ATPSCKMT: variants seen among roughly 807,000 people sequenced by gnomAD.
ATPSCKMT encodes ATP synthase c subunit lysine N-methyltransferase.
ATPSCKMT carries 24 observed loss-of-function variants against 24.3 expected under a neutral mutation model. The observed-to-expected ratio is 0.99, with a 90% CI of 0.71 to 1.39. ATPSCKMT has a LOEUF of 1.39. ATPSCKMT is among the 40% of genes most tolerant of loss of function. ATPSCKMT has a pLI of 0.00. For synonymous variants in ATPSCKMT, 95 were observed against 110.5 expected (o/e 0.86, Z 0.88); for missense variants, 311 against 298.4 (o/e 1.04, Z -0.31).
In ATPSCKMT at chr5:10,227,473, A is replaced by T; in HGVS notation, c.670T>A (p.Ser224Thr). ...FRGREKRPCT[S>T]MHFQLPIQA ...TGAATGGGCAGCTGGAAATGCATCG[A>T]TGTACAGGGCCTCTTTTCACGGCCT... is the stretch of plus-strand genomic sequence containing the variant. The change falls in exon 5 of 5, where the codon TCG (serine) becomes ACG (threonine). Residue 224 changes from serine (S) to threonine (T), a missense_variant. By Grantham distance (58) the Ser-to-Thr change is moderately conservative. Coordinates refer to ENST00000511437, the MANE Select transcript of ATPSCKMT (RefSeq NM_199133.4). 1 of 1,614,178 alleles carries T rather than the reference A, an allele frequency of 6.2e-7. No homozygotes were observed. The highest frequency in any genetic ancestry group is 8.5e-7 in the Non-Finnish European group (1 of 1,180,042).
intron 2 of ATPSCKMT, among the ~76,000 whole-genome samples, chr5:10,238,193 C>T (rs1439224789): frequency 1.3e-5 from 2 of 151,800 alleles, no homozygotes; most frequent in African/African-American, 4.8e-5. Flanking sequence ...GGCACGGCAA[C>T]GTGAATATGC....
At chr5:10,249,738 A>G (rs1475245693) in intron 1 of ATPSCKMT, 120 bp downstream of exon 1, 8 of 1,436,694 alleles carry the variant, frequency 5.6e-6, no homozygotes, top group Non-Finnish European at 7.4e-6. Context: ...TGGAGGCCAG[A>G]GCAGCCGCCC....
chr5:10,230,462 TAA>T (rs1744078456), intron 4 of ATPSCKMT, among the ~76,000 whole-genome samples: 1 of 152,190 alleles, frequency 6.6e-6, no homozygotes, highest in Non-Finnish European at 1.5e-5. Context: ...TGTCATATGC[TAA>T]GTCAAGATAA....
intron 4 of ATPSCKMT, 78 bp from the exon 5 acceptor site, chr5:10,227,725 T>A: frequency 7.2e-7 from 1 of 1,379,560 alleles, no homozygotes; most frequent in Non-Finnish European, 1.0e-6. Context: ...TTTTTAAGAG[T>A]CCCTGAAAAT....
At position 10,239,680 on chromosome 5, in the gene ATPSCKMT, C is replaced by A. The variant is rs1744536522; in HGVS notation, c.17-324G>T. 2.6e-5 allele frequency among the ~76,000 whole-genome samples: 4 copies of A among 152,064 alleles called. No individual in the cohort carries two copies. The South Asian group carries it at 8.3e-4, about 31-fold the overall frequency. On this transcript the variant is annotated intron_variant, in intron 1 of 4. Coordinates refer to ENST00000511437, the MANE Select transcript of ATPSCKMT (RefSeq NM_199133.4). Reference sequence around the variant, plus strand: ...TTTATTAATTTAATATCCATTAGTGCAAGTTTTAATCATGCACTACATATT... The same window carrying A: ...TTTATTAATTTAATATCCATTAGTGAAAGTTTTAATCATGCACTACATATT...
chr5:10,240,137 G>A (rs1477527733), intron 1 of ATPSCKMT, among the ~76,000 whole-genome samples: 1 of 151,738 alleles, frequency 6.6e-6, no homozygotes, highest in Non-Finnish European at 1.5e-5. Flanking sequence ...AGGAGGCTGA[G>A]GCAGGAGAAT....
chr5:10,249,687 AC>A (rs1447283460), intron 1 of ATPSCKMT, 170 bp downstream of exon 1: 128 of 1,076,122 alleles, frequency 1.2e-4, no homozygotes, highest in Admixed American at 5.2e-4. Flanking sequence ...CGGCGCGGGC[AC>A]CGCGCGGCGA....
intron 3 of ATPSCKMT, chr5:10,236,233 C>A: frequency 2.8e-6 from 1 of 357,250 alleles, no homozygotes; most frequent in South Asian, 8.1e-5. Flanking sequence ...ACAGAAATGA[C>A]AACATTTTAA....
At chr5:10,231,519 C>T (rs923047557) in intron 4 of ATPSCKMT, among the ~76,000 whole-genome samples, 1 of 151,960 alleles carries the variant, frequency 6.6e-6, no homozygotes, top group Non-Finnish European at 1.5e-5. Flanking sequence ...CACACTCATG[C>T]CACACCTGCC....
Position 10,236,620 on chromosome 5 carries a change from GGA to G in ATPSCKMT, c.307-7_307-6del, listed in dbSNP as rs747893611. 2.5e-6 allele frequency: 4 copies of G among 1,611,246 alleles called. No homozygotes were observed. The highest frequency in any genetic ancestry group is 8.5e-7 in the Non-Finnish European group (1 of 1,179,100). On this transcript the variant is annotated splice_polypyrimidine_tract_variant and splice_region_variant and intron_variant, in intron 2 of 4. Coordinates refer to ENST00000511437, the MANE Select transcript of ATPSCKMT (RefSeq NM_199133.4). ...TTTCTTCGCAGCCGCTATGACCTGT[GGA>G]GAGAGGCAGGATTTATTCAAAATAA...
Position 10,241,273 on chromosome 5 carries a change from A to G in ATPSCKMT, c.17-1917T>C, listed in dbSNP as rs569100554. 5.9e-5 allele frequency among the ~76,000 whole-genome samples: 9 copies of G among 152,250 alleles called. No individual in the cohort carries two copies. In the South Asian group the frequency reaches 1.7e-3, roughly 28 times the overall value. ...ACACTGGGCCCACATAAATAATCCA[A>G]AATAATCTCCCATCTCAAGACCACT... On this transcript the variant is annotated intron_variant, in intron 1 of 4. Transcript: ENST00000511437.
chr5:10,240,067 A>G (rs1279863524), intron 1 of ATPSCKMT, among the ~76,000 whole-genome samples: 30 of 93,692 alleles, frequency 3.2e-4, no homozygotes, highest in Non-Finnish European at 3.9e-4. Context: ...TCTACTAAAA[A>G]TACAAAAAAA....
intron 4 of ATPSCKMT, among the ~76,000 whole-genome samples, chr5:10,229,565 G>A (rs959241686): frequency 2.0e-5 from 3 of 151,988 alleles, no homozygotes. Flanking sequence ...GCTTTGGGAT[G>A]ATGTAAATCC....
chr5:10,248,177 GT>G (rs1258674425), intron 1 of ATPSCKMT: 3 of 152,130 alleles, frequency 2.0e-5, no homozygotes, highest in Non-Finnish European at 4.4e-5. Flanking sequence ...TACAGCATAT[GT>G]TATGTCCCTT....
intron 4 of ATPSCKMT, among the ~76,000 whole-genome samples, chr5:10,229,930 C>A (rs1272595824): frequency 1.3e-5 from 2 of 152,224 alleles, no homozygotes; most frequent in Admixed American, 6.5e-5. Flanking sequence ...TCAGGCTTAA[C>A]AAAATGTTCC....
At chr5:10,244,116 G>T (rs1265788688) in intron 1 of ATPSCKMT, among the ~76,000 whole-genome samples, 1 of 152,190 alleles carries the variant, frequency 6.6e-6, no homozygotes, top group Non-Finnish European at 1.5e-5. Flanking sequence ...GATGGAGAGA[G>T]ATAGAGGAAT....
rs1743905950 is a variant in ATPSCKMT at position 10,226,929 on chromosome 5, TA to T, written c.*511del. The T allele has an allele frequency of 6.3e-6, 1 of 159,620 alleles. No homozygotes were observed. Among genetic ancestry groups the T allele is most frequent in the Non-Finnish European group, 1.4e-5 (1 of 72,424 alleles). The allele number at this position is 159,620 out of a possible 1,614,324, so 9.9% of individuals were successfully genotyped here. On this transcript the variant is annotated 3_prime_UTR_variant, in exon 5 of 5. Transcript: ENST00000511437. ...TTAGATTCCATAAAATACAGTAATC[TA>T]GTGGTGGAACAAATTATTTCTAATA...
intron 4 of ATPSCKMT, among the ~76,000 whole-genome samples, chr5:10,233,866 T>G (rs1454615605): frequency 6.6e-6 from 1 of 152,208 alleles, no homozygotes. Flanking sequence ...TAAATCACCA[T>G]CAAAATTGCG....
rs572837804 is a variant in ATPSCKMT at position 10,239,981 on chromosome 5, C to T, written c.17-625G>A. On this transcript the variant is annotated intron_variant, in intron 1 of 4. Transcript: ENST00000511437. ...GTGGTTCACGCCTGTAATCCCAGCACTTTGGGAGGCCAAGGCGGGCCGATC... is the reference window on the plus strand; with the variant it reads ...GTGGTTCACGCCTGTAATCCCAGCATTTTGGGAGGCCAAGGCGGGCCGATC... 2.0e-5 allele frequency among the ~76,000 whole-genome samples: 3 copies of T among 151,442 alleles called. No individual in the cohort carries two copies. The South Asian group carries it at 6.2e-4, about 32-fold the overall frequency.
Sources: allele counts gnomAD v4.1 joint callset (sites outside exome capture counted in the v4.1 genomes callset), GRCh38; gene constraint gnomAD v4.1.1; transcripts MANE v1.5; gene names NCBI Gene and HGNC (gene_info 2026-07-23, HGNC 2026-07-21).